SPIDR: variants seen among roughly 807,000 people sequenced by gnomAD.
SPIDR encodes the protein DNA repair-scaffolding protein.
A neutral mutation model predicts 104.6 loss-of-function variants in SPIDR; 93 were observed. The observed-to-expected ratio is 0.89, with a 90% CI of 0.75 to 1.06. SPIDR has a LOEUF of 1.06. Among genes scored for constraint, SPIDR ranks in the 50% least tolerant of loss-of-function variants. The probability of loss-of-function intolerance (pLI) is 0.00; values close to 1 mark genes in which losing one functional copy is unlikely to be tolerated. For synonymous variants in SPIDR, 431 were observed against 416.9 expected (o/e 1.03, Z -0.41); for missense variants, 1,154 against 1,111.2 (o/e 1.04, Z -0.55).
At chr8:47,339,119 A>G (rs547706491) in intron 5 of SPIDR, among the ~76,000 whole-genome samples, 11 of 152,348 alleles carry the variant, frequency 7.2e-5, no homozygotes, top group African/African-American at 2.2e-4. Flanking sequence ...CGTTTTAAAT[A>G]TCATCTTTCA....
chr8:47,571,958 A>G (rs1183114500), intron 8 of SPIDR, among the ~76,000 whole-genome samples: 5 of 152,200 alleles, frequency 3.3e-5, no homozygotes, highest in Non-Finnish European at 5.9e-5. Flanking sequence ...TAAATATAAT[A>G]ACATTATATT....
At chr8:47,621,630 A>G (rs1057482732) in intron 10 of SPIDR, among the ~76,000 whole-genome samples, 1 of 152,220 alleles carries the variant, frequency 6.6e-6, no homozygotes, top group African/African-American at 2.4e-5. Flanking sequence ...GTGTGAATAC[A>G]GGGCCCCCAT....
At chr8:47,544,656 G>A (rs1587493822) in intron 8 of SPIDR, among the ~76,000 whole-genome samples, 1 of 152,272 alleles carries the variant, frequency 6.6e-6, no homozygotes, top group Middle Eastern at 3.4e-3. Context: ...AAATCACATA[G>A]ATCTATTTCT....
chr8:47,591,404 C>G (rs903924662), intron 8 of SPIDR, among the ~76,000 whole-genome samples: 7 of 151,146 alleles, frequency 4.6e-5, no homozygotes, highest in Non-Finnish European at 1.0e-4. Flanking sequence ...ACCATACCTC[C>G]CTTTATATCC....
At chr8:47,454,499 G>A (rs913491091) in intron 8 of SPIDR, among the ~76,000 whole-genome samples, 11 of 152,082 alleles carry the variant, frequency 7.2e-5, no homozygotes, top group Non-Finnish European at 1.0e-4. Context: ...GTGGGGAAGC[G>A]GGGAAGGGAT....
chr8:47,723,967 TAAAC>T (rs559736198), intron 16 of SPIDR, among the ~76,000 whole-genome samples: 17 of 151,692 alleles, frequency 1.1e-4, no homozygotes, highest in African/African-American at 3.9e-4. Flanking sequence ...ATTATTTAAA[TAAAC>T]TATTATCTTT....
At chr8:47,504,244 C>G (rs545794210) in intron 8 of SPIDR, among the ~76,000 whole-genome samples, 5 of 152,176 alleles carry the variant, frequency 3.3e-5, no homozygotes, top group African/African-American at 4.8e-5. Context: ...CAGCTTGGTT[C>G]CATTCTCCTC....
rs201478615 is a variant in SPIDR at position 47,401,761 on chromosome 8, A to T, written c.776+5135A>T. 2.4e-4 allele frequency among the ~76,000 whole-genome samples: 36 copies of T among 152,384 alleles called. No homozygotes were observed. The East Asian group carries it at 5.2e-3, about 22-fold the overall frequency. On this transcript the variant is annotated intron_variant, in intron 6 of 19. Transcript: ENST00000297423. ...AAGGCCATTACATAATGGTAAAGGG[A>T]TCAATTCAACAAGAAGAGCTAACTA...
intron 19 of SPIDR, among the ~76,000 whole-genome samples, chr8:47,731,074 A>G (rs1419868674): frequency 6.6e-6 from 1 of 152,018 alleles, no homozygotes; most frequent in Non-Finnish European, 1.5e-5. Context: ...CCTGGCCAAC[A>G]TGGTGACACC....
intron 14 of SPIDR, among the ~76,000 whole-genome samples, chr8:47,705,451 G>A (rs899759810): frequency 1.3e-5 from 2 of 152,306 alleles, no homozygotes; most frequent in Admixed American, 6.5e-5. Flanking sequence ...GTCTGCTTTT[G>A]TGTGTAAAAG....
chr8:47,381,987 T>C (rs1554645666), intron 5 of SPIDR, among the ~76,000 whole-genome samples: 1 of 152,248 alleles, frequency 6.6e-6, no homozygotes, highest in African/African-American at 2.4e-5. Flanking sequence ...GATGTGATAA[T>C]TTATTAGTGA....
chr8:47,310,715 G>C (rs989120155), intron 5 of SPIDR, among the ~76,000 whole-genome samples: 6 of 152,164 alleles, frequency 3.9e-5, no homozygotes, highest in Non-Finnish European at 5.9e-5. Context: ...TGAGTATAAA[G>C]TAGTCTTTCA....
chr8:47,635,943 A>C (rs1424548506), intron 10 of SPIDR, among the ~76,000 whole-genome samples: 4 of 152,230 alleles, frequency 2.6e-5, no homozygotes, highest in Non-Finnish European at 4.4e-5. Context: ...AACTTTAGTC[A>C]GAAAAGCTTT....
intron 5 of SPIDR, among the ~76,000 whole-genome samples, chr8:47,328,131 A>G (rs1478040056): frequency 6.6e-6 from 1 of 152,004 alleles, no homozygotes; most frequent in Non-Finnish European, 1.5e-5. Context: ...CATATCTAAG[A>G]AACAATTGCC....
At chr8:47,732,158 ATCC>A (rs954818215) in intron 19 of SPIDR, 2 of 702,554 alleles carry the variant, frequency 2.8e-6, no homozygotes, top group Non-Finnish European at 2.6e-6. Context: ...CCTGGCAGAA[ATCC>A]TCCTTCCTTC....
chr8:47,669,077 G>A (rs1440701319), intron 10 of SPIDR, among the ~76,000 whole-genome samples: 1 of 152,116 alleles, frequency 6.6e-6, no homozygotes, highest in Non-Finnish European at 1.5e-5. Flanking sequence ...AAATGAGTAA[G>A]TTCAAGCTCA....
chr8:47,729,197 G>T lies in SPIDR; in HGVS notation c.2550+150G>T, dbSNP rs946142685. The T allele has an allele frequency of 6.0e-6, 9 of 1,507,726 alleles. No individual in the cohort carries two copies. In the African/African-American group the frequency reaches 1.1e-4, roughly 19 times the overall value. 93.4% of individuals were successfully genotyped at this position (1,507,726 alleles called of 1,614,324 possible). A position where few individuals can be genotyped will look rare whatever the true frequency, so the allele number is the denominator to read the frequency against. On this transcript the variant is annotated intron_variant, in intron 18 of 19. Coordinates refer to ENST00000297423, the MANE Select transcript of SPIDR (RefSeq NM_001080394.4). Reference sequence around the variant, plus strand: ...GGCTTGCATCTGGAACTCCCTCTAGGTCCTAGGAGCTTCCCTAGGAAAGGT... The same window carrying T: ...GGCTTGCATCTGGAACTCCCTCTAGTTCCTAGGAGCTTCCCTAGGAAAGGT...
At chr8:47,635,522 A>T (rs2067769763) in intron 10 of SPIDR, among the ~76,000 whole-genome samples, 1 of 150,954 alleles carries the variant, frequency 6.6e-6, no homozygotes, top group African/African-American at 2.4e-5. Flanking sequence ...ATTTAAAAAA[A>T]ATAAATAAAC....
At chr8:47,605,755 C>T (rs114654777) in intron 10 of SPIDR, among the ~76,000 whole-genome samples, 141 of 152,240 alleles carry the variant, frequency 9.3e-4, no homozygotes, top group African/African-American at 3.3e-3. Context: ...CAGCAGGATG[C>T]TTCCCATATG....
Sources: gnomAD v4.1 joint callset for allele counts (sites outside exome capture counted in the v4.1 genomes callset) on GRCh38, gnomAD v4.1.1 for gene constraint, MANE v1.5 for transcripts, NCBI Gene and HGNC (gene_info 2026-07-23, HGNC 2026-07-21) for gene names.